The following NLRP1 variants were observed in gnomAD, a reference collection of about 807,000 sequenced individuals.
NLRP1 encodes NLR family pyrin domain containing 1, also known as NACHT, LRR and PYD domains-containing protein 1.
A neutral mutation model predicts 136.7 loss-of-function variants in NLRP1; 94 were observed. The ratio of observed to expected loss-of-function variants is 0.69; its 90% CI spans 0.58 to 0.82. NLRP1 has a LOEUF of 0.82. Among genes scored for constraint, NLRP1 ranks in the 40% least tolerant of loss-of-function variants. NLRP1 has a pLI of 0.00. For synonymous variants in NLRP1, 690 were observed against 725.1 expected (o/e 0.95, Z 0.78); for missense variants, 1,575 against 1,802.7 (o/e 0.87, Z 2.29).
In NLRP1 at chr17:5,541,831, TC is replaced by T. The variant is rs1911902908; in HGVS notation, c.2699+25del. 6 of 1,609,494 alleles carry T rather than the reference TC, an allele frequency of 3.7e-6. No individual in the cohort carries two copies. Among genetic ancestry groups the T allele is most frequent in the Non-Finnish European group, 4.2e-6 (5 of 1,177,584 alleles). On this transcript the variant is annotated intron_variant, in intron 6 of 16. Transcript: ENST00000572272. The surrounding 1 kb of genome is among the most constrained non-coding windows in gnomAD (Gnocchi z 4.2). ...ATGGTGGCAGGCAGTTCCCTCCACCTCCCCCTGCCCACCAAGAACAATTACT... is the reference window on the plus strand; with the variant it reads ...ATGGTGGCAGGCAGTTCCCTCCACCTCCCCTGCCCACCAAGAACAATTACT...
chr17:5,561,126 G>A (rs1012699651), intron 3 of NLRP1, among the ~76,000 whole-genome samples: 5 of 152,128 alleles, frequency 3.3e-5, no homozygotes, highest in African/African-American at 4.8e-5. Flanking sequence ...GCACGATCTC[G>A]GCTCACCGCA....
intron 3 of NLRP1, among the ~76,000 whole-genome samples, chr17:5,581,298 G>C (rs1039828573): frequency 3.9e-5 from 6 of 152,228 alleles, no homozygotes; most frequent in African/African-American, 1.2e-4. Context: ...GCGTGAGAGA[G>C]AGTGAAGGCT....
chr17:5,520,866 C>A lies in NLRP1; in HGVS notation c.3915+15G>T. 1.3e-6 allele frequency: 2 copies of A among 1,574,808 alleles called. No individual in the cohort carries two copies. The highest frequency in any genetic ancestry group is 2.3e-5 in the East Asian group (1 of 44,416). ...CTTCTGTTCGCAGTGAAGAGGCAGA[C>A]ACTGGGCTGCTCACCTTGGGGAGTA... is the stretch of plus-strand genomic sequence containing the variant. On this transcript the variant is annotated intron_variant, in intron 14 of 16. Coordinates refer to ENST00000572272, the MANE Select transcript of NLRP1 (RefSeq NM_033004.4).
At position 5,515,047 on chromosome 17, in the gene NLRP1, G is replaced by A. The variant is rs1223989759; in HGVS notation, c.4129C>T (p.Gln1377Ter). 9.3e-6 allele frequency: 15 copies of A among 1,614,012 alleles called. No homozygotes were observed. Among genetic ancestry groups the A allele is most frequent in the Admixed American group, 8.3e-5 (5 of 60,006 alleles). ...IAVPSPLDAP[Q>*]LLHFVDQYRE... ...TACTGGTCCACAAAGTGCAGCAACT[G>A]CGGGGCATCCAGAGGTGAAGGTACG... The change falls in exon 17 of 17, where the codon CAG becomes TAG. Residue 1377 changes from glutamine (Q) to a stop codon, truncating the protein, a stop_gained. Coordinates refer to ENST00000572272, the MANE Select transcript of NLRP1 (RefSeq NM_033004.4). LOFTEE classifies it low-confidence loss of function (END_TRUNC).
intron 5 of NLRP1, among the ~76,000 whole-genome samples, chr17:5,547,463 G>T (rs1339722249): frequency 6.6e-6 from 1 of 152,186 alleles, no homozygotes; most frequent in Non-Finnish European, 1.5e-5. Flanking sequence ...TGGCTCCAGG[G>T]AATGTCCTTC....
intron 3 of NLRP1, among the ~76,000 whole-genome samples, chr17:5,564,409 T>C (rs1167980790): frequency 2.0e-5 from 3 of 152,210 alleles, no homozygotes; most frequent in Non-Finnish European, 2.9e-5. Context: ...ATGAGTTCAA[T>C]TGATTTGAGT....
chr17:5,551,158 A>T (rs982236978), intron 5 of NLRP1, among the ~76,000 whole-genome samples: 3 of 152,172 alleles, frequency 2.0e-5, no homozygotes, highest in Non-Finnish European at 4.4e-5. Flanking sequence ...GAATAGTTTC[A>T]CTGCCCTAAA....
intron 5 of NLRP1, among the ~76,000 whole-genome samples, chr17:5,545,528 AGACAC>A (rs1912538462): frequency 7.0e-6 from 1 of 142,832 alleles, no homozygotes; most frequent in African/African-American, 2.5e-5. Context: ...ACACAGACAC[AGACAC>A]AGACACACAC....
At chr17:5,551,554 T>C (rs1913360461) in intron 5 of NLRP1, among the ~76,000 whole-genome samples, 1 of 152,216 alleles carries the variant, frequency 6.6e-6, no homozygotes, top group Non-Finnish European at 1.5e-5. Context: ...AGGAATGCGA[T>C]TGCTGGATCC....
At chr17:5,501,953 T>G (rs1007318062) in intron 15 of NLRP1, 41 of 1,294,784 alleles carry the variant, frequency 3.2e-5, no homozygotes, top group Non-Finnish European at 4.5e-5. Flanking sequence ...CTTTGTTAGT[T>G]GCAGCAAATC....
rs750702976 is a variant in NLRP1 at position 5,558,766 on chromosome 17, C to T, written c.1930G>A (p.Gly644Ser). ...SYVLEDEKGR[G>S]KHSNCIIDLE... is the part of the protein sequence containing the mutation. ...TCTATGATGCAATTAGAATGTTTAC[C>T]TCTCCCCTTCTCATCCTCCAAGACA... The change falls in exon 4 of 17, where the codon GGT becomes AGT. Residue 644 changes from glycine to serine, a missense_variant. Gly to Ser is a moderately conservative substitution (Grantham distance 56, BLOSUM62 0). Transcript: ENST00000572272. The T allele has an allele frequency of 6.2e-7, 1 of 1,614,132 alleles. No homozygotes were observed. The highest frequency in any genetic ancestry group is 1.1e-5 in the South Asian group (1 of 91,088).
chr17:5,502,790 G>C (rs59166166), intron 15 of NLRP1: 7,744 of 152,810 alleles, frequency 0.051, 317 homozygotes, highest in African/African-American at 0.11. Flanking sequence ...ATGTCATGGA[G>C]GGGTGTGAAG....
intron 15 of NLRP1, among the ~76,000 whole-genome samples, chr17:5,516,835 G>C (rs1442835700): frequency 6.6e-6 from 1 of 152,176 alleles, no homozygotes; most frequent in Non-Finnish European, 1.5e-5. Context: ...CCACTACACT[G>C]TGAAGCCAGC....
At chr17:5,548,811 T>C (rs1191761622) in intron 5 of NLRP1, among the ~76,000 whole-genome samples, 3 of 152,200 alleles carry the variant, frequency 2.0e-5, no homozygotes, top group Admixed American at 1.3e-4. Flanking sequence ...TTGGGTTCCA[T>C]GACACCTCTC....
chr17:5,525,152 A>G (rs1909372744), intron 12 of NLRP1, among the ~76,000 whole-genome samples: 1 of 152,142 alleles, frequency 6.6e-6, no homozygotes, highest in Admixed American at 6.5e-5. Flanking sequence ...AAAAGCTATC[A>G]TGAGGTAGGC....
intron 14 of NLRP1, among the ~76,000 whole-genome samples, chr17:5,519,476 G>A (rs922363000): frequency 2.4e-5 from 3 of 127,300 alleles, no homozygotes; most frequent in Non-Finnish European, 4.9e-5. Flanking sequence ...ACAGAGTTTT[G>A]CTCTTGTAGC....
At chr17:5,558,219 C>G (rs1352792802) in intron 4 of NLRP1, 120 bp downstream of exon 4, 5 of 1,059,438 alleles carry the variant, frequency 4.7e-6, no homozygotes, top group Non-Finnish European at 5.5e-6. Context: ...CACTGGAGAC[C>G]CTGATCCTTT....
At chr17:5,533,034 C>T (rs775204909) in intron 10 of NLRP1, 50 bp from the exon 11 acceptor site, 1 of 1,558,510 alleles carries the variant, frequency 6.4e-7, no homozygotes, top group Non-Finnish European at 8.7e-7. Context: ...CCTGGCCTCC[C>T]CTAGCCCCTA....
chr17:5,548,306 A>C (rs574067649), intron 5 of NLRP1, among the ~76,000 whole-genome samples: 2 of 152,056 alleles, frequency 1.3e-5, no homozygotes, highest in East Asian at 3.9e-4. Context: ...CTATGTTCCT[A>C]CCTCTCTCTT....
Sources: gnomAD v4.1 joint callset for allele counts (sites outside exome capture counted in the v4.1 genomes callset) on GRCh38, gnomAD v4.1.1 for gene constraint, Gnocchi (gnomAD v3.1) non-coding constraint, MANE v1.5 for transcripts, NCBI Gene and HGNC (gene_info 2026-07-23, HGNC 2026-07-21) for gene names.